TXNRD2: variants seen among roughly 807,000 people sequenced by gnomAD.
TXNRD2 encodes the protein thioredoxin reductase 2, also known as thioredoxin reductase 2, mitochondrial.
Under a neutral mutation model 70.8 loss-of-function variants are expected in TXNRD2, and 67 were observed. The observed-to-expected ratio is 0.95, with a 90% CI of 0.78 to 1.16. TXNRD2 has a LOEUF of 1.16. Ranked by LOEUF, TXNRD2 falls within the 50% of genes most tolerant of loss-of-function variation. The pLI is 0.00. For missense variants in TXNRD2, 644 were observed against 719.9 expected (o/e 0.89, Z 1.21); for synonymous variants, 301 against 295.8 (o/e 1.02, Z -0.18).
At chr22:19,897,503 G>A (rs945970220) in intron 10 of TXNRD2, among the ~76,000 whole-genome samples, 2 of 152,162 alleles carry the variant, frequency 1.3e-5, no homozygotes, top group African/African-American at 4.8e-5. Context: ...CTGGCCACAT[G>A]AGTGTGTGTA....
intron 8 of TXNRD2, among the ~76,000 whole-genome samples, chr22:19,903,704 C>A (rs1404886092): frequency 6.6e-6 from 1 of 152,250 alleles, no homozygotes; most frequent in Non-Finnish European, 1.5e-5. Context: ...GCACTTGGAT[C>A]CCGACCCCCA....
chr22:19,906,265 T>A (rs888211182), intron 8 of TXNRD2, among the ~76,000 whole-genome samples: 3 of 152,154 alleles, frequency 2.0e-5, no homozygotes, highest in Non-Finnish European at 4.4e-5. Flanking sequence ...CAGGTAAATG[T>A]GTGAAAAGAC....
chr22:19,893,530 G>A (rs1939357714), intron 11 of TXNRD2, among the ~76,000 whole-genome samples: 1 of 152,222 alleles, frequency 6.6e-6, no homozygotes, highest in South Asian at 2.1e-4. Context: ...ACAGAGCAGT[G>A]TCTGGGCGAT....
chr22:19,886,660 G>A (rs755463518), intron 11 of TXNRD2, among the ~76,000 whole-genome samples: 45 of 152,356 alleles, frequency 3.0e-4, no homozygotes, highest in South Asian at 4.1e-4. Context: ...TGCCTGCACC[G>A]GTGTCTTTCG....
At chr22:19,937,480 C>T (rs779371350) in intron 1 of TXNRD2, among the ~76,000 whole-genome samples, 3 of 152,144 alleles carry the variant, frequency 2.0e-5, no homozygotes, top group Non-Finnish European at 2.9e-5. Flanking sequence ...TTTCAAAATG[C>T]GAACCATGAG....
At chr22:19,881,941 G>A (rs1393097599) in intron 12 of TXNRD2, among the ~76,000 whole-genome samples, 2 of 152,238 alleles carry the variant, frequency 1.3e-5, no homozygotes, top group African/African-American at 2.4e-5. Flanking sequence ...GGTCTGCCTG[G>A]AGCCTCAGAG....
chr22:19,899,362 C>T (rs535978557), intron 8 of TXNRD2, among the ~76,000 whole-genome samples: 1 of 152,344 alleles, frequency 6.6e-6, no homozygotes, highest in Admixed American at 6.5e-5. Flanking sequence ...CAGAGCAGCA[C>T]ATGGCTTTCC....
intron 14 of TXNRD2, 74 bp from the exon 15 acceptor site, chr22:19,878,511 T>C: frequency 7.4e-7 from 1 of 1,359,594 alleles, no homozygotes; most frequent in Non-Finnish European, 1.1e-6. Flanking sequence ...TCCCACAGGC[T>C]GCATGGGCAA....
intron 11 of TXNRD2, among the ~76,000 whole-genome samples, chr22:19,884,766 G>A (rs1208036050): frequency 6.6e-6 from 1 of 152,184 alleles, no homozygotes; most frequent in Non-Finnish European, 1.5e-5. Flanking sequence ...GGTAGGGCTT[G>A]AAGGTCTCTC....
intron 2 of TXNRD2, among the ~76,000 whole-genome samples, chr22:19,920,421 A>G (rs1340899212): frequency 2.0e-5 from 3 of 152,140 alleles, no homozygotes; most frequent in Admixed American, 6.5e-5. Context: ...CACTAAAAAT[A>G]AAAATTAAAA....
intron 11 of TXNRD2, chr22:19,894,983 A>AAAG: frequency 2.0e-6 from 3 of 1,470,572 alleles, no homozygotes. Context: ...AAAAAAAAAA[A>AAAG]AAAGAAAAGA....
In TXNRD2 at chr22:19,935,020, C is replaced by G. The variant is rs12483995; in HGVS notation, c.104-3922G>C. On this transcript the variant is annotated intron_variant, in intron 1 of 17. Coordinates refer to ENST00000400521, the MANE Select transcript of TXNRD2 (RefSeq NM_006440.5). Reference sequence around the variant, plus strand: ...GTGTGTTTGAACAATATGAAATCAGCGCACCTTGAAAAAGAACAGAATAAC... The same window carrying G: ...GTGTGTTTGAACAATATGAAATCAGGGCACCTTGAAAAAGAACAGAATAAC... Among the ~76,000 whole-genome samples the G allele has an allele frequency of 3.9e-5, 6 of 152,134 alleles. No individual in the cohort carries two copies. The South Asian group carries it at 1.0e-3, about 26-fold the overall frequency.
chr22:19,892,967 C>T (rs1939332999), intron 11 of TXNRD2, among the ~76,000 whole-genome samples: 1 of 152,218 alleles, frequency 6.6e-6, no homozygotes, highest in Admixed American at 6.5e-5. Context: ...GACTGATCAC[C>T]TCCGGGCCAA....
chr22:19,930,192 T>C (rs1941305965), intron 2 of TXNRD2, among the ~76,000 whole-genome samples: 1 of 152,148 alleles, frequency 6.6e-6, no homozygotes, highest in Non-Finnish European at 1.5e-5. Flanking sequence ...GCAAGAGTAG[T>C]GGATTTCTTT....
chr22:19,931,283 G>A (rs1941351286), intron 1 of TXNRD2, among the ~76,000 whole-genome samples, 185 bp from the exon 2 acceptor site: 2 of 152,222 alleles, frequency 1.3e-5, no homozygotes, highest in African/African-American at 2.4e-5. Flanking sequence ...GCCATATGGT[G>A]GTGAGGTTGG....
At chr22:19,915,637 A>C (rs2146036878) in intron 6 of TXNRD2, 128 bp downstream of exon 6, 1 of 862,724 alleles carries the variant, frequency 1.2e-6, no homozygotes, top group South Asian at 1.4e-5. Flanking sequence ...GCCTCAAAAG[A>C]AGCCACCTTT....
chr22:19,877,186 G>C lies in TXNRD2; in HGVS notation c.1494C>G (p.Pro498=). ...GCTTGACTACCTCCTCAGAGCATGT[G>C]GGATGGATACCCACGGTCCGCATCA... The part of the protein sequence containing the change: ...AQVMRTVGIH[P]TCSEEVVKLR... The change falls in exon 17 of 18, where the codon CCC becomes CCG. Residue 498 remains proline, a synonymous_variant. Transcript: ENST00000400521. 1 of 1,611,888 alleles carries C rather than the reference G, an allele frequency of 6.2e-7. No individual in the cohort carries two copies. Among genetic ancestry groups the C allele is most frequent in the Middle Eastern group, 1.7e-4 (1 of 6,048 alleles).
chr22:19,900,853 G>A (rs549664472), intron 8 of TXNRD2, among the ~76,000 whole-genome samples: 21 of 152,370 alleles, frequency 1.4e-4, no homozygotes, highest in Admixed American at 9.8e-4. Context: ...CTGGGCGAGA[G>A]CCCATTGTGT....
intron 14 of TXNRD2, 69 bp from the exon 15 acceptor site, chr22:19,878,506 C>T: frequency 7.3e-7 from 1 of 1,379,220 alleles, no homozygotes; most frequent in Non-Finnish European, 1.0e-6. Context: ...GCAGCTCCCA[C>T]AGGCTGCATG....
Sources: gnomAD v4.1 joint callset for allele counts (sites outside exome capture counted in the v4.1 genomes callset) on GRCh38, gnomAD v4.1.1 for gene constraint, MANE v1.5 for transcripts, NCBI Gene and HGNC (gene_info 2026-07-23, HGNC 2026-07-21) for gene names.